The following FAM200B variants were observed in gnomAD, a reference collection of about 807,000 sequenced individuals.
FAM200B encodes zinc finger BED-type containing 11, also known as protein FAM200B.
In FAM200B, 32 loss-of-function variants were observed where a neutral mutation model predicts 33.1. The ratio of observed to expected loss-of-function variants is 0.97; its 90% CI spans 0.73 to 1.30. The LOEUF is 1.30. FAM200B is among the 50% of genes most tolerant of loss of function. FAM200B has a pLI of 0.00. For missense variants in FAM200B, 741 were observed against 754.0 expected (o/e 0.98, Z 0.20); for synonymous variants, 240 against 264.8 (o/e 0.91, Z 0.91).
the FAM200B span, among the ~76,000 whole-genome samples, chr4:15,670,656 A>G: frequency 6.6e-6 from 1 of 151,580 alleles, no homozygotes; most frequent in South Asian, 2.1e-4. Context: ...CAAAAGAAAC[A>G]CTGGGCAATG....
At chr4:15,639,244 C>T in the FAM200B span, among the ~76,000 whole-genome samples, 2 of 152,184 alleles carry the variant, frequency 1.3e-5, no homozygotes. Flanking sequence ...AATTTTAAAG[C>T]ATAAGGACCA....
the FAM200B span, chr4:15,656,349 A>C: frequency 3.6e-5 from 16 of 450,550 alleles, no homozygotes; most frequent in East Asian, 1.1e-3. Context: ...ACTGCTGGAC[A>C]GATAGAGAAA....
At chr4:15,649,578 C>CAAAA in the FAM200B span, among the ~76,000 whole-genome samples, 53 of 80,668 alleles carry the variant, frequency 6.6e-4, no homozygotes, top group East Asian at 9.7e-4. Context: ...GACTACGTCT[C>CAAAA]AAAAAAAAAA....
chr4:15,690,242 T>G lies in FAM200B; in HGVS notation c.*1291T>G, dbSNP rs900968098. On this transcript the variant is annotated 3_prime_UTR_variant, in exon 2 of 2. Coordinates refer to ENST00000422728, the MANE Select transcript of FAM200B (RefSeq NM_001145191.2). ...ATACAATGTAGTCTTCAAACTAATT[T>G]CAACTTCTGCCTTTCTGTGTACTCC... 1 of 167,098 alleles carries G rather than the reference T, an allele frequency of 6.0e-6. No homozygotes were observed. Among genetic ancestry groups the G allele is most frequent in the Middle Eastern group, 3.1e-3 (1 of 318 alleles). The allele number at this position is 167,098 out of a possible 1,614,324, so 10.4% of individuals were successfully genotyped here.
At chr4:15,644,710 T>C in the FAM200B span, 1 of 1,599,182 alleles carries the variant, frequency 6.3e-7, no homozygotes, top group Non-Finnish European at 8.5e-7. Flanking sequence ...TTTAGAAAGC[T>C]GAATAAAAAT....
intron 1 of FAM200B, among the ~76,000 whole-genome samples, chr4:15,682,358 A>G (rs1718383799): frequency 6.6e-6 from 1 of 152,208 alleles, no homozygotes; most frequent in Non-Finnish European, 1.5e-5. Context: ...TTTTTTAAAT[A>G]GACGATTTTA....
At chr4:15,645,867 A>AT in the FAM200B span, among the ~76,000 whole-genome samples, 3 of 152,276 alleles carry the variant, frequency 2.0e-5, no homozygotes, top group African/African-American at 7.2e-5. Flanking sequence ...AAATTCATAC[A>AT]TTTTTTACTC....
Position 15,688,730 on chromosome 4 carries a change from A to G in FAM200B, c.1753A>G (p.Met585Val). ...YETLSLSAFW[M>V]KVKEDFPLLS... ...AACCTTAAGTTTATCAGCATTTTGG[A>G]TGAAGGTAAAGGAAGACTTTCCATT... Residue 585 changes from methionine to valine, a missense_variant, in exon 2 of 2, where the codon ATG (methionine) becomes GTG (valine). Transcript: ENST00000422728. 6.4e-7 allele frequency: 1 copy of G among 1,550,600 alleles called. No individual in the cohort carries two copies. The highest frequency in any genetic ancestry group is 8.7e-7 in the Non-Finnish European group (1 of 1,146,154).
upstream of FAM200B, among the ~76,000 whole-genome samples, chr4:15,680,364 A>G (rs555688799): frequency 1.5e-4 from 23 of 152,202 alleles, no homozygotes; most frequent in Non-Finnish European, 2.8e-4. Context: ...TAATCAAAAA[A>G]CAGCTTTAAA....
At chr4:15,656,199 G>T in the FAM200B span, 4 of 456,252 alleles carry the variant, frequency 8.8e-6, no homozygotes, top group South Asian at 6.2e-5. Context: ...ATTTTAAGCG[G>T]AGGTTCGGAG....
At chr4:15,680,537 C>G (rs1257371778), upstream of FAM200B, among the ~76,000 whole-genome samples, 2 of 152,006 alleles carry the variant, frequency 1.3e-5, no homozygotes, top group African/African-American at 4.8e-5. Flanking sequence ...ATTAGCCTGG[C>G]ATGGTGGCGG....
upstream of FAM200B, among the ~76,000 whole-genome samples, chr4:15,677,419 G>T (rs1290536620): frequency 6.6e-6 from 1 of 152,120 alleles, no homozygotes; most frequent in Non-Finnish European, 1.5e-5. Context: ...TAGGGGTTGG[G>T]AGATAGAGAG....
the FAM200B span, among the ~76,000 whole-genome samples, chr4:15,651,919 C>G: frequency 6.6e-6 from 1 of 152,200 alleles, no homozygotes; most frequent in African/African-American, 2.4e-5. Context: ...ACTCCTGACA[C>G]TTTAATGTGG....
intron 1 of FAM200B, among the ~76,000 whole-genome samples, chr4:15,685,387 C>T (rs1038728793): frequency 6.6e-6 from 1 of 152,140 alleles, no homozygotes; most frequent in Non-Finnish European, 1.5e-5. Flanking sequence ...ATGGGCAAAA[C>T]TGGATAAGCA....
the FAM200B span, among the ~76,000 whole-genome samples, chr4:15,654,433 A>G: frequency 1.3e-5 from 2 of 152,198 alleles, no homozygotes; most frequent in Non-Finnish European, 2.9e-5. Flanking sequence ...TTATGGGCCC[A>G]AAATGGTTCT....
At chr4:15,665,159 T>C in the FAM200B span, among the ~76,000 whole-genome samples, 9 of 152,340 alleles carry the variant, frequency 5.9e-5, no homozygotes, top group East Asian at 1.7e-3. Context: ...GTAGCCATTA[T>C]GAGCTTAGCT....
At chr4:15,663,733 C>T in the FAM200B span, among the ~76,000 whole-genome samples, 1 of 152,180 alleles carries the variant, frequency 6.6e-6, no homozygotes, top group South Asian at 2.1e-4. Context: ...ATTTCTGTCA[C>T]TACTCAACAA....
At chr4:15,641,537 T>C in the FAM200B span, 3 of 432,828 alleles carry the variant, frequency 6.9e-6, no homozygotes, top group African/African-American at 5.9e-5. Context: ...ACTGTAAGAA[T>C]CCAGTATATA....
At chr4:15,666,354 G>A in the FAM200B span, among the ~76,000 whole-genome samples, 247 of 152,086 alleles carry the variant, frequency 1.6e-3, no homozygotes, top group Non-Finnish European at 2.9e-3. Flanking sequence ...GAGCCATGAT[G>A]GCGCCACTGC....
Sources: gnomAD v4.1 joint callset for allele counts (sites outside exome capture counted in the v4.1 genomes callset) on GRCh38, gnomAD v4.1.1 for gene constraint, MANE v1.5 for transcripts, NCBI Gene and HGNC (gene_info 2026-07-23, HGNC 2026-07-21) for gene names.